The following HTT variants were observed in gnomAD, a reference collection of about 807,000 sequenced individuals.
HTT encodes the protein huntingtin, also known as huntington disease protein.
A neutral mutation model predicts 362.3 loss-of-function variants in HTT; 104 were observed. The ratio of observed to expected loss-of-function variants is 0.29; its 90% CI spans 0.24 to 0.34. HTT has a LOEUF of 0.34. HTT is among the 10% of genes least tolerant of loss of function. HTT has a pLI of 1.00. For synonymous variants in HTT, 1,577 were observed against 1,548.7 expected (o/e 1.02, Z -0.43); for missense variants, 3,301 against 3,928.6 (o/e 0.84, Z 4.27).
chr4:3,199,825 G>C lies in HTT; in HGVS notation c.5462G>C (p.Arg1821Pro), dbSNP rs758282669. Reference sequence around the variant, plus strand: ...TACACCCTGGACAGCTTGAACTTGCGGGCTCGTTCCATGATCACCACCCAC... The same window carrying C: ...TACACCCTGGACAGCTTGAACTTGCCGGCTCGTTCCATGATCACCACCCAC... ...SFYTLDSLNL[R>P]ARSMITTHPA... The change falls in exon 41 of 67, where the codon CGG becomes CCG. Residue 1821 changes from arginine (R) to proline (P), a missense_variant. Coordinates refer to ENST00000355072, the MANE Select transcript of HTT (RefSeq NM_001388492.1). 1.2e-6 allele frequency: 2 copies of C among 1,614,052 alleles called. No individual in the cohort carries two copies. The highest frequency in any genetic ancestry group is 1.3e-5 in the African/African-American group (1 of 74,916).
intron 29 of HTT, 135 bp downstream of exon 29, chr4:3,160,527 G>A (rs1717389508): frequency 4.5e-6 from 3 of 664,110 alleles, no homozygotes; most frequent in South Asian, 1.7e-5. Flanking sequence ...ACGTGCTTGC[G>A]TCACAGGACC....
chr4:3,150,687 T>TACATGTACATGC (rs1234665786), intron 26 of HTT, among the ~76,000 whole-genome samples: 4 of 152,234 alleles, frequency 2.6e-5, no homozygotes, highest in Admixed American at 2.6e-4. Flanking sequence ...TGTATTCACA[T>TACATGTACATGC]ACATGTACAT....
chr4:3,122,800 A>T, intron 9 of HTT, 89 bp from the exon 10 acceptor site: 1 of 1,032,756 alleles, frequency 9.7e-7, no homozygotes, highest in Non-Finnish European at 1.5e-6. Context: ...CTCTAGTTTT[A>T]AAGTTGAATC....
chr4:3,182,540 G>A, intron 37 of HTT, 70 bp downstream of exon 37: 2 of 951,518 alleles, frequency 2.1e-6, no homozygotes, highest in East Asian at 2.4e-5. Flanking sequence ...AAAGGTGGGT[G>A]GCTGGAATCA....
chr4:3,211,853 G>T, intron 47 of HTT, 76 bp from the exon 48 acceptor site: 21 of 1,034,138 alleles, frequency 2.0e-5, no homozygotes, highest in Admixed American at 1.9e-4. Flanking sequence ...TCTTTTTTCT[G>T]TTGTGTTTTT....
At chr4:3,126,525 C>A (rs1715527169) in intron 11 of HTT, among the ~76,000 whole-genome samples, 1 of 152,090 alleles carries the variant, frequency 6.6e-6, no homozygotes, top group Admixed American at 6.5e-5. Flanking sequence ...AGAGGAAAAT[C>A]TGAATAATTC....
In HTT at chr4:3,176,201, G is replaced by A. The variant is rs540049180; in HGVS notation, c.4407+1094G>A. Among the ~76,000 whole-genome samples, 3 of 151,992 alleles carry A rather than the reference G, an allele frequency of 2.0e-5. No individual in the cohort carries two copies. The South Asian group carries it at 6.2e-4, about 32-fold the overall frequency. On this transcript the variant is annotated intron_variant, in intron 33 of 66. Coordinates refer to ENST00000355072, the MANE Select transcript of HTT (RefSeq NM_001388492.1). ...CACCACTACGCCAGGCTAATTTTTT[G>A]TATTTTTAGTAGAGACGAGGTTTCA... is the stretch of plus-strand genomic sequence containing the variant.
Position 3,154,363 on chromosome 4 carries a change from C to G in HTT, c.3569C>G (p.Pro1190Arg). 1 of 1,613,694 alleles carries G rather than the reference C, an allele frequency of 6.2e-7. No individual in the cohort carries two copies. The highest frequency in any genetic ancestry group is 1.3e-5 in the African/African-American group (1 of 74,994). Residue 1190 changes from proline (P) to arginine (R), a missense_variant, in exon 27 of 67, where the codon CCA becomes CGA. By Grantham distance (103) the Pro-to-Arg change is moderately radical. This residue lies in a region of HTT where 2,316 missense variants were observed against 2,658.5 expected (regional missense o/e 0.87). Transcript: ENST00000355072. ...PIRRKGKEKEPGEQASVPLSP... is the reference protein window; with the variant it reads ...PIRRKGKEKERGEQASVPLSP... Reference sequence around the variant, plus strand: ...CGACGAAAGGGGAAGGAGAAAGAACCAGGAGAACAAGCATCTGTACCGTTG... The same window carrying G: ...CGACGAAAGGGGAAGGAGAAAGAACGAGGAGAACAAGCATCTGTACCGTTG...
At chr4:3,229,861 GC>G in intron 59 of HTT, 25 bp from the exon 60 acceptor site, 1 of 1,612,790 alleles carries the variant, frequency 6.2e-7, no homozygotes, top group Non-Finnish European at 8.5e-7. Flanking sequence ...TTCTCCCCTT[GC>G]CCTCCTGGTT....
intron 60 of HTT, among the ~76,000 whole-genome samples, chr4:3,232,664 G>T (rs1301163076): frequency 2.6e-5 from 4 of 152,250 alleles, no homozygotes; most frequent in Non-Finnish European, 2.9e-5. Context: ...AAATTAGCAA[G>T]GGCAGAGGCC....
intron 1 of HTT, among the ~76,000 whole-genome samples, chr4:3,086,186 A>G (rs1256938673): frequency 1.3e-5 from 2 of 152,190 alleles, no homozygotes; most frequent in Admixed American, 1.3e-4. Flanking sequence ...AAACTATACC[A>G]CTGGTTGTAA....
intron 47 of HTT, among the ~76,000 whole-genome samples, chr4:3,210,836 T>C (rs887032): frequency 0.99 from 150,280 of 151,948 alleles, 74,337 homozygotes; most frequent in East Asian, 1. Flanking sequence ...TGTGTTCTGA[T>C]GTACTGAAGA....
intron 40 of HTT, among the ~76,000 whole-genome samples, chr4:3,190,517 G>A (rs1718967555): frequency 2.0e-5 from 3 of 151,804 alleles, no homozygotes; most frequent in Non-Finnish European, 2.9e-5. Context: ...CGGGGTGATC[G>A]CTTGAGCTTG....
intron 40 of HTT, 46 bp from the exon 41 acceptor site, chr4:3,199,686 G>A: frequency 6.4e-7 from 1 of 1,564,988 alleles, no homozygotes; most frequent in Non-Finnish European, 8.8e-7. Context: ...ATGTGGCACT[G>A]GACCGAGATG....
Position 3,160,375 on chromosome 4 carries a change from C to T in HTT, c.3847C>T (p.Leu1283=), listed in dbSNP as rs1396533564. 1.3e-6 allele frequency: 2 copies of T among 1,551,914 alleles called. No individual in the cohort carries two copies. The highest frequency in any genetic ancestry group is 2.0e-5 in the Admixed American group (1 of 51,162). The change falls in exon 29 of 67, where the codon CTG becomes TTG. Residue 1283 remains leucine (L), a synonymous_variant. Coordinates refer to ENST00000355072, the MANE Select transcript of HTT (RefSeq NM_001388492.1). ...TTCTCAGATACTAGAGCTGGCCACA[C>T]TGCAGGACATTGGGAAGGTTTGTGT... is the stretch of plus-strand genomic sequence containing the variant. ...VLSQILELAT[L]QDIGKCVEEI...
At position 3,134,429 on chromosome 4, in the gene HTT, G is replaced by A. The variant is rs766506689; in HGVS notation, c.2522G>A (p.Ser841Asn). 5.0e-6 allele frequency: 8 copies of A among 1,614,120 alleles called. No individual in the cohort carries two copies. Among genetic ancestry groups the A allele is most frequent in the Non-Finnish European group, 5.1e-6 (6 of 1,179,992 alleles). The change falls in exon 19 of 67, where the codon AGC (serine) becomes AAC (asparagine). Residue 841 changes from serine (S) to asparagine (N), a missense_variant. This residue lies in a region of HTT where 2,316 missense variants were observed against 2,658.5 expected (regional missense o/e 0.87). Transcript: ENST00000355072. ...TGTGTCATGAGTCTCTGCAGCAGCAGCTACAGTGAGTTAGGACTGCAGCTG... is the reference window on the plus strand; with the variant it reads ...TGTGTCATGAGTCTCTGCAGCAGCAACTACAGTGAGTTAGGACTGCAGCTG... ...RNCVMSLCSSSYSELGLQLII... is the reference protein window; with the variant it reads ...RNCVMSLCSSNYSELGLQLII...
Position 3,119,166 on chromosome 4 carries a change from G to A in HTT, c.1069-2062G>A, listed in dbSNP as rs113951351. On this transcript the variant is annotated intron_variant, in intron 8 of 66. Coordinates refer to ENST00000355072, the MANE Select transcript of HTT (RefSeq NM_001388492.1). The stretch of plus-strand genomic sequence containing the variant: ...AATTCTAGGATGATTGCTGTTTGGC[G>A]CGTAGTTCGTATTAGAAACCATTCT... Among the ~76,000 whole-genome samples the A allele has an allele frequency of 6.2e-4, 95 of 152,298 alleles. 2 individuals are homozygous for A. Among genetic ancestry groups the A allele is most frequent in the African/African-American group, 2.2e-3 (91 of 41,554 alleles).
chr4:3,088,885 G>A (rs1713354820), intron 2 of HTT, among the ~76,000 whole-genome samples: 1 of 152,090 alleles, frequency 6.6e-6, no homozygotes, highest in South Asian at 2.1e-4. Flanking sequence ...TTCTGTTTCT[G>A]TCTAATTTGT....
chr4:3,141,629 G>A (rs1441423483), intron 22 of HTT, among the ~76,000 whole-genome samples: 1 of 152,164 alleles, frequency 6.6e-6, no homozygotes, highest in Admixed American at 6.5e-5. Flanking sequence ...AGGCGTGGTG[G>A]CGGGCCCCTG....
Sources: allele counts gnomAD v4.1 joint callset (sites outside exome capture counted in the v4.1 genomes callset), GRCh38; gene constraint gnomAD v4.1.1; regional missense constraint gnomAD v4.1.1; transcripts MANE v1.5; gene names NCBI Gene and HGNC (gene_info 2026-07-23, HGNC 2026-07-21).